The following RXRG variants were observed in gnomAD, a reference collection of about 807,000 sequenced individuals.
The protein encoded by RXRG is retinoid X receptor gamma, also known as retinoic acid receptor RXR-gamma.
RXRG carries 19 observed loss-of-function variants against 49.2 expected under a neutral mutation model. That is an observed-to-expected ratio of 0.39 (90% CI 0.27 to 0.57). The LOEUF is 0.57. Ranked by LOEUF, RXRG falls within the 20% of genes least tolerant of loss-of-function variation. The probability of loss-of-function intolerance (pLI) is 0.64; values close to 1 mark genes in which losing one functional copy is unlikely to be tolerated. For synonymous variants in RXRG, 224 were observed against 216.6 expected (o/e 1.03, Z -0.30); for missense variants, 452 against 592.5 (o/e 0.76, Z 2.46).
In RXRG at chr1:165,444,876, A is replaced by G; in HGVS notation, c.18T>C (p.Ser6=). Residue 6 remains serine, a synonymous_variant, in exon 1 of 10, where the codon TCT becomes TCC. Transcript: ENST00000359842. ...AGCCTGCGGGAAACTTCATGAAGTG[A>G]GAATAATTTCCATACATGTTTACTC... The part of the protein sequence containing the change: MYGNY[S]HFMKFPAGYG... The G allele has an allele frequency of 1.9e-6, 3 of 1,614,174 alleles. No individual in the cohort carries two copies. Among genetic ancestry groups the G allele is most frequent in the South Asian group, 2.2e-5 (2 of 91,088 alleles).
chr1:165,409,946 A>C (rs1409737026), intron 6 of RXRG, among the ~76,000 whole-genome samples: 2 of 104,856 alleles, frequency 1.9e-5, no homozygotes, highest in Non-Finnish European at 5.0e-5. Flanking sequence ...GAAGACAAGG[A>C]TTCTTTTTTT....
chr1:165,429,068 T>A, intron 1 of RXRG, 102 bp from the exon 2 acceptor site: 1 of 1,305,792 alleles, frequency 7.7e-7, no homozygotes, highest in Non-Finnish European at 1.0e-6. Flanking sequence ...ATCCTGCCCC[T>A]CTTTTAGCCA....
At chr1:165,443,237 T>C (rs1659059397) in intron 1 of RXRG, among the ~76,000 whole-genome samples, 1 of 152,226 alleles carries the variant, frequency 6.6e-6, no homozygotes, top group Non-Finnish European at 1.5e-5. Flanking sequence ...CAAGGGTCTC[T>C]TTGGCATTAA....
chr1:165,406,958 C>G, intron 8 of RXRG, 41 bp from the exon 9 acceptor site: 1 of 1,388,394 alleles, frequency 7.2e-7, no homozygotes, highest in Non-Finnish European at 1.0e-6. Context: ...TACACACCCT[C>G]CAGCAGAGGC....
rs1007382557 is a variant in RXRG at position 165,401,097 on chromosome 1, T to C, written c.*166A>G. The C allele has an allele frequency of 1.4e-5, 9 of 621,154 alleles. No individual in the cohort carries two copies. Among genetic ancestry groups the C allele is most frequent in the Admixed American group, 9.1e-5 (3 of 32,876 alleles). 38.5% of individuals were successfully genotyped at this position (621,154 alleles called of 1,614,324 possible). ...ATTACCTTTAACATCTATACAAAAG[T>C]CCACCTATAAAAGTCTCATGTGTAG... On this transcript the variant is annotated 3_prime_UTR_variant, in exon 10 of 10. Coordinates refer to ENST00000359842, the MANE Select transcript of RXRG (RefSeq NM_006917.5).
At chr1:165,417,550 A>G (rs541276009) in intron 3 of RXRG, among the ~76,000 whole-genome samples, 33 of 152,334 alleles carry the variant, frequency 2.2e-4, no homozygotes, top group Middle Eastern at 3.4e-3. Flanking sequence ...TCCATTCAAA[A>G]CATTAGTGTA....
chr1:165,434,280 A>ATGTGTGTGTG (rs57708987), intron 1 of RXRG, among the ~76,000 whole-genome samples: 4,660 of 131,014 alleles, frequency 0.036, 107 homozygotes, highest in South Asian at 0.061. Context: ...GCATGTGTGT[A>ATGTGTGTGTG]TGTGTGTGTG....
chr1:165,403,764 T>C (rs1356344435), intron 9 of RXRG, among the ~76,000 whole-genome samples: 1 of 152,216 alleles, frequency 6.6e-6, no homozygotes, highest in Non-Finnish European at 1.5e-5. Flanking sequence ...AAAAATTTTT[T>C]TAACTCTAAA....
chr1:165,420,178 AG>A lies in RXRG; in HGVS notation c.298-165del, dbSNP rs1218888402. Among the ~76,000 whole-genome samples the A allele has an allele frequency of 2.0e-5, 3 of 152,200 alleles. No homozygotes were observed. The East Asian group carries it at 5.8e-4, about 29-fold the overall frequency. ...CCTATCTGTGAGATGAACTTAAGGG[AG>A]GGATAAAAGTGCCATAGGAGGAACA... is the stretch of plus-strand genomic sequence containing the variant. On this transcript the variant is annotated intron_variant, in intron 2 of 9. Coordinates refer to ENST00000359842, the MANE Select transcript of RXRG (RefSeq NM_006917.5).
At chr1:165,418,895 C>T (rs1658220193) in intron 3 of RXRG, among the ~76,000 whole-genome samples, 1 of 152,218 alleles carries the variant, frequency 6.6e-6, no homozygotes, top group South Asian at 2.1e-4. Context: ...AGCAAGAAAA[C>T]ATCAGCCATT....
chr1:165,432,577 CT>C, intron 1 of RXRG, among the ~76,000 whole-genome samples: 1 of 152,124 alleles, frequency 6.6e-6, no homozygotes, highest in South Asian at 2.1e-4. Context: ...TCTCTCACTC[CT>C]TTTTTTTGTT....
chr1:165,405,079 T>A (rs1229650139), intron 9 of RXRG, among the ~76,000 whole-genome samples: 1 of 152,220 alleles, frequency 6.6e-6, no homozygotes, highest in African/African-American at 2.4e-5. Flanking sequence ...TTTATAATTT[T>A]TTTAACCAAA....
chr1:165,412,840 A>G (rs1207046693), intron 4 of RXRG, among the ~76,000 whole-genome samples: 2 of 152,144 alleles, frequency 1.3e-5, no homozygotes, highest in African/African-American at 2.4e-5. Flanking sequence ...TGTAGAAACT[A>G]TAATATGTAT....
At chr1:165,421,614 T>G (rs1257586364) in intron 2 of RXRG, among the ~76,000 whole-genome samples, 1 of 151,316 alleles carries the variant, frequency 6.6e-6, no homozygotes, top group Non-Finnish European at 1.5e-5. Flanking sequence ...ACTGCAAACT[T>G]CACCTCCCTG....
At chr1:165,429,680 T>C (rs1658612362) in intron 1 of RXRG, among the ~76,000 whole-genome samples, 1 of 152,168 alleles carries the variant, frequency 6.6e-6, no homozygotes. Flanking sequence ...GGCATGGCTT[T>C]ATGGCCACAG....
chr1:165,429,655 G>C (rs1658611760), intron 1 of RXRG, among the ~76,000 whole-genome samples: 1 of 152,158 alleles, frequency 6.6e-6, no homozygotes, highest in South Asian at 2.1e-4. Flanking sequence ...CAGGGGAGAA[G>C]ACTTGGAATG....
chr1:165,428,785 C>T lies in RXRG; in HGVS notation c.231G>A (p.Met77Ile). The T allele has an allele frequency of 6.2e-7, 1 of 1,612,992 alleles. No individual in the cohort carries two copies. Among genetic ancestry groups the T allele is most frequent in the Non-Finnish European group, 8.5e-7 (1 of 1,179,184 alleles). The change falls in exon 2 of 10, where the codon ATG becomes ATA. Residue 77 changes from methionine to isoleucine, a missense_variant. By Grantham distance (10) the Met-to-Ile change is conservative (BLOSUM62 1). This residue lies in a region of RXRG where 166 missense variants were observed against 151.7 expected (regional missense o/e 1.09). Coordinates refer to ENST00000359842, the MANE Select transcript of RXRG (RefSeq NM_006917.5). ...GSPYRVITSAMGPPSGALAAP... is the reference protein window; with the variant it reads ...GSPYRVITSAIGPPSGALAAP... Reference sequence around the variant, plus strand: ...CTGCAAGTGCTCCTGAGGGTGGGCCCATGGCAGAGGTGATGACTCGATATG... The same window carrying T: ...CTGCAAGTGCTCCTGAGGGTGGGCCTATGGCAGAGGTGATGACTCGATATG...
intron 7 of RXRG, 41 bp downstream of exon 7, chr1:165,409,517 A>ACG: frequency 7.1e-7 from 1 of 1,405,836 alleles, no homozygotes; most frequent in Non-Finnish European, 9.3e-7. Flanking sequence ...ACACACACAC[A>ACG]CACATAATAC....
intron 1 of RXRG, among the ~76,000 whole-genome samples, chr1:165,436,191 T>C (rs1422025325): frequency 6.6e-6 from 1 of 152,150 alleles, no homozygotes; most frequent in African/African-American, 2.4e-5. Context: ...GCAAGGACAC[T>C]GGGGAAAGGA....
Sources: allele counts gnomAD v4.1 joint callset (sites outside exome capture counted in the v4.1 genomes callset), GRCh38; gene constraint gnomAD v4.1.1; regional missense constraint gnomAD v4.1.1; transcripts MANE v1.5; gene names NCBI Gene and HGNC (gene_info 2026-07-23, HGNC 2026-07-21).